The following GDAP1 variants were observed in gnomAD, a reference collection of about 807,000 sequenced individuals.
The protein encoded by GDAP1 is ganglioside-induced differentiation-associated protein 1.
GDAP1 carries 34 observed loss-of-function variants against 40.1 expected under a neutral mutation model. The observed-to-expected ratio is 0.85, with a 90% CI of 0.64 to 1.13. The LOEUF is 1.13. Ranked by LOEUF, GDAP1 falls within the 50% of genes most tolerant of loss-of-function variation. The pLI is 0.00. For missense variants in GDAP1, 374 were observed against 433.7 expected, an observed-to-expected ratio of 0.86 and a Z score of 1.22; for synonymous variants, 170 against 157.4, an observed-to-expected ratio of 1.08 and a Z score of -0.60.
At chr8:74,407,105 G>A (rs746920581) in intron 2 of GDAP1, among the ~76,000 whole-genome samples, 1 of 149,998 alleles carries the variant, frequency 6.7e-6, no homozygotes, top group Non-Finnish European at 1.5e-5. Flanking sequence ...TTAACAGGAA[G>A]TACAAAAGAA....
chr8:74,435,227 T>C (rs977874362), intron 2 of GDAP1, among the ~76,000 whole-genome samples: 1 of 152,168 alleles, frequency 6.6e-6, no homozygotes, highest in African/African-American at 2.4e-5. Flanking sequence ...AAAGACAATC[T>C]TTAGTCCTGA....
chr8:74,462,646 C>T (rs1395824117), intron 2 of GDAP1, among the ~76,000 whole-genome samples: 2 of 152,136 alleles, frequency 1.3e-5, no homozygotes, highest in South Asian at 2.1e-4. Flanking sequence ...GAGTTACTAA[C>T]ATATTCTTTA....
At chr8:74,360,900 T>C (rs10957707) in intron 3 of GDAP1, among the ~76,000 whole-genome samples, 151,377 of 152,336 alleles carry the variant, frequency 0.99, 75,218 homozygotes, top group East Asian at 1. Flanking sequence ...GGGAAAGGAT[T>C]GTGGCAGTGG....
intron 2 of GDAP1, among the ~76,000 whole-genome samples, chr8:74,437,312 T>C (rs1227651211): frequency 6.6e-6 from 1 of 152,214 alleles, no homozygotes; most frequent in Non-Finnish European, 1.5e-5. Context: ...AGTGACTTGC[T>C]TGTTGAAGAT....
chr8:74,469,616 C>T (rs1446031756), intron 2 of GDAP1, among the ~76,000 whole-genome samples: 1 of 151,080 alleles, frequency 6.6e-6, no homozygotes, highest in Non-Finnish European at 1.5e-5. Context: ...TTGCAGTGAG[C>T]CGAGATCGCG....
At chr8:74,373,790 T>C (rs938491296) in intron 2 of GDAP1, among the ~76,000 whole-genome samples, 1 of 152,152 alleles carries the variant, frequency 6.6e-6, no homozygotes, top group African/African-American at 2.4e-5. Flanking sequence ...CTTCCAACAC[T>C]ATGTCGAATA....
In GDAP1 at chr8:74,365,883, T is replaced by G; in HGVS notation, c.*1516T>G. The G allele has an allele frequency of 2.2e-6, 1 of 454,376 alleles. No homozygotes were observed. The highest frequency in any genetic ancestry group is 1.6e-5 in the South Asian group (1 of 64,444). The allele number at this position is 454,376 out of a possible 1,614,324, so 28.1% of individuals were successfully genotyped here. A position where few individuals can be genotyped will look rare whatever the true frequency, so the allele number is the denominator to read the frequency against. ...TTAAAATTTGCACATGAGTGTGTTG[T>G]CATATGGAGTGTCTGAATCTGTTGC... On this transcript the variant is annotated 3_prime_UTR_variant, in exon 6 of 6. Coordinates refer to ENST00000220822, the MANE Select transcript of GDAP1 (RefSeq NM_018972.4).
chr8:74,383,257 T>C (rs1257723210), intron 2 of GDAP1, among the ~76,000 whole-genome samples: 3 of 152,226 alleles, frequency 2.0e-5, no homozygotes, highest in Non-Finnish European at 1.5e-5. Flanking sequence ...ATTAGCTTGC[T>C]TTGCAAAATT....
chr8:74,379,327 A>T (rs1809912165), intron 2 of GDAP1, among the ~76,000 whole-genome samples: 1 of 152,200 alleles, frequency 6.6e-6, no homozygotes, highest in Admixed American at 6.5e-5. Context: ...GGCAAACTAG[A>T]AACCATCTTA....
Position 74,411,842 on chromosome 8 carries a change from A to G in GDAP1, c.165+60521A>G, listed in dbSNP as rs538365221. Reference sequence around the variant, plus strand: ...GGCTGTGGTGAGCTGTGATTGCACCACTGCCCTCCAGTCTGAGCAATGGAG... The same window carrying G: ...GGCTGTGGTGAGCTGTGATTGCACCGCTGCCCTCCAGTCTGAGCAATGGAG... On this transcript the variant is annotated intron_variant, in intron 2 of 2. Transcript: ENST00000523640. Among the ~76,000 whole-genome samples the G allele has an allele frequency of 1.4e-4, 21 of 149,468 alleles. 4 individuals are homozygous for G. Among genetic ancestry groups the G allele is most frequent in the African/African-American group, 5.4e-4 (21 of 38,946 alleles).
intron 2 of GDAP1, among the ~76,000 whole-genome samples, chr8:74,399,464 C>T (rs1376063423): frequency 8.1e-5 from 12 of 148,670 alleles, no homozygotes; most frequent in South Asian, 6.3e-4. Flanking sequence ...GTCTTGTTAG[C>T]GGTCTATCAA....
intron 2 of GDAP1, among the ~76,000 whole-genome samples, chr8:74,442,317 C>A (rs1324624676): frequency 1.3e-5 from 2 of 152,194 alleles, no homozygotes; most frequent in South Asian, 4.1e-4. Flanking sequence ...TGCCCTACTT[C>A]TATAAGGACT....
intron 2 of GDAP1, among the ~76,000 whole-genome samples, chr8:74,468,433 T>C (rs954591207): frequency 1.3e-5 from 2 of 151,690 alleles, no homozygotes; most frequent in African/African-American, 2.4e-5. Context: ...ATTTAATAAA[T>C]TTCTTGCTAC....
rs186055280 is a variant in GDAP1 at position 74,412,482 on chromosome 8, T to C, written c.165+61161T>C. Reference sequence around the variant, plus strand: ...AGCAAGTGTCAATCAAAGAATATGATTTTAGAAGCATCAAAAGAAAAAATC... The same window carrying C: ...AGCAAGTGTCAATCAAAGAATATGACTTTAGAAGCATCAAAAGAAAAAATC... On this transcript the variant is annotated intron_variant, in intron 2 of 2. Transcript: ENST00000523640. 1.6e-3 allele frequency among the ~76,000 whole-genome samples: 243 copies of C among 150,322 alleles called. 32 individuals are homozygous for C. The highest frequency in any genetic ancestry group is 5.9e-3 in the African/African-American group (235 of 39,616).
intron 2 of GDAP1, among the ~76,000 whole-genome samples, chr8:74,482,982 A>G (rs1242888670): frequency 6.6e-6 from 1 of 152,110 alleles, no homozygotes; most frequent in Non-Finnish European, 1.5e-5. Context: ...TGCTTGTGCC[A>G]TTTGCTGGCT....
chr8:74,411,268 T>C (rs1004490376), intron 2 of GDAP1, among the ~76,000 whole-genome samples: 1 of 149,940 alleles, frequency 6.7e-6, no homozygotes, highest in African/African-American at 2.5e-5. Flanking sequence ...TAATACAGCA[T>C]ACTTTATTAC....
intron 2 of GDAP1, among the ~76,000 whole-genome samples, chr8:74,389,017 C>A (rs1026198561): frequency 6.6e-6 from 1 of 151,964 alleles, no homozygotes; most frequent in African/African-American, 2.4e-5. Context: ...CTGTTTTTTG[C>A]TTTCCATTTG....
chr8:74,486,645 C>G (rs759628482), intron 2 of GDAP1, among the ~76,000 whole-genome samples: 2 of 152,182 alleles, frequency 1.3e-5, no homozygotes, highest in African/African-American at 2.4e-5. Flanking sequence ...AGTGGCTTCA[C>G]TGAGTAGTGA....
At chr8:74,359,555 T>G (rs1453516064) in intron 2 of GDAP1, among the ~76,000 whole-genome samples, 3 of 152,212 alleles carry the variant, frequency 2.0e-5, no homozygotes. Context: ...TTCACATGTG[T>G]CAGTAGGGTC....
Sources: gnomAD v4.1 joint callset for allele counts (sites outside exome capture counted in the v4.1 genomes callset) on GRCh38, gnomAD v4.1.1 for gene constraint, MANE v1.5 for transcripts, NCBI Gene and HGNC (gene_info 2026-07-23, HGNC 2026-07-21) for gene names.